The following FRYL variants were observed in gnomAD, a reference collection of about 807,000 sequenced individuals.
The protein encoded by FRYL is FRY like transcription coactivator.
Under a neutral mutation model 351.2 loss-of-function variants are expected in FRYL, and 150 were observed. The observed-to-expected ratio is 0.43, with a 90% CI of 0.37 to 0.49. The LOEUF (loss-of-function observed/expected upper bound fraction) is 0.49. FRYL is among the 20% of genes least tolerant of loss of function. FRYL has a pLI of 0.00. For missense variants in FRYL, 3,036 were observed against 3,619.3 expected (o/e 0.84, Z 4.13); for synonymous variants, 1,153 against 1,257.1 (o/e 0.92, Z 1.75).
intron 9 of FRYL, 57 bp from the exon 10 acceptor site, chr4:48,606,663 G>A (rs1450711853): frequency 7.2e-7 from 1 of 1,394,028 alleles, no homozygotes; most frequent in African/African-American, 1.4e-5. Flanking sequence ...ATTTCCACAT[G>A]ATATTTAAGG....
At chr4:48,535,493 A>G (rs550634878) in intron 48 of FRYL, among the ~76,000 whole-genome samples, 164 bp downstream of exon 48, 1 of 152,190 alleles carries the variant, frequency 6.6e-6, no homozygotes, top group Non-Finnish European at 1.5e-5. Flanking sequence ...CAATTTGAAT[A>G]TCAGTTAATA....
At chr4:48,539,310 T>A (rs1207574911) in intron 47 of FRYL, among the ~76,000 whole-genome samples, 3 of 152,108 alleles carry the variant, frequency 2.0e-5, no homozygotes, top group Non-Finnish European at 4.4e-5. Context: ...AATCCTAAAA[T>A]ATATTATGCC....
chr4:48,581,236 A>G (rs575731641), intron 21 of FRYL, among the ~76,000 whole-genome samples, 184 bp downstream of exon 21: 4 of 151,200 alleles, frequency 2.6e-5, no homozygotes, highest in African/African-American at 7.3e-5. Context: ...AGTAGAGACC[A>G]CCGTGTTAGC....
intron 54 of FRYL, 146 bp from the exon 55 acceptor site, chr4:48,521,361 C>T: frequency 3.3e-6 from 2 of 611,762 alleles, no homozygotes; most frequent in South Asian, 2.5e-5. Flanking sequence ...CCAGTCTACA[C>T]CAGAATGGGT....
At chr4:48,707,724 T>G (rs1403421686) in intron 2 of FRYL, among the ~76,000 whole-genome samples, 13 of 152,154 alleles carry the variant, frequency 8.5e-5, no homozygotes, top group Admixed American at 8.5e-4. Context: ...TAAGAGAACT[T>G]TGAGGCTCCA....
intron 19 of FRYL, among the ~76,000 whole-genome samples, chr4:48,584,681 G>A (rs1476586577): frequency 4.6e-5 from 7 of 152,212 alleles, no homozygotes; most frequent in Non-Finnish European, 7.3e-5. Flanking sequence ...GGGTATACAT[G>A]TGTGAGTTAA....
intron 3 of FRYL, among the ~76,000 whole-genome samples, chr4:48,657,251 G>A (rs1245876796): frequency 6.6e-6 from 1 of 151,912 alleles, no homozygotes; most frequent in African/African-American, 2.4e-5. Context: ...GTTCACTGCA[G>A]CCTCAAACTC....
At chr4:48,687,509 A>AGGGGGGGGGGGGGGGGGGGGGGG (rs1560861203) in intron 2 of FRYL, among the ~76,000 whole-genome samples, 2 of 9,822 alleles carry the variant, frequency 2.0e-4, no homozygotes, top group Non-Finnish European at 4.1e-4. Context: ...GGGGGGGGTG[A>AGGGGGGGGGGGGGGGGGGGGGGG]GGGGGGAGGG....
At chr4:48,654,874 A>T (rs1470001727) in intron 3 of FRYL, among the ~76,000 whole-genome samples, 1 of 152,224 alleles carries the variant, frequency 6.6e-6, no homozygotes, top group Non-Finnish European at 1.5e-5. Context: ...TGTCATTATC[A>T]GAAGAAAAAT....
intron 35 of FRYL, 110 bp downstream of exon 35, chr4:48,556,868 C>CCCTTG: frequency 2.2e-6 from 2 of 899,490 alleles, no homozygotes; most frequent in Non-Finnish European, 3.3e-6. Context: ...TTCATCCCGG[C>CCCTTG]CCTTGCCTTG....
intron 4 of FRYL, among the ~76,000 whole-genome samples, chr4:48,634,066 A>G (rs2149370480): frequency 6.6e-6 from 1 of 152,138 alleles, no homozygotes; most frequent in Non-Finnish European, 1.5e-5. Flanking sequence ...TTTATTTCCT[A>G]TGTTTTATTT....
At chr4:48,755,001 T>G (rs1430210407) in intron 1 of FRYL, among the ~76,000 whole-genome samples, 1 of 152,222 alleles carries the variant, frequency 6.6e-6, no homozygotes, top group Non-Finnish European at 1.5e-5. Context: ...TGTAGCATTG[T>G]GTACAGAACT....
At chr4:48,701,061 C>T (rs563353310) in intron 2 of FRYL, among the ~76,000 whole-genome samples, 3 of 152,190 alleles carry the variant, frequency 2.0e-5, no homozygotes, top group African/African-American at 7.2e-5. Flanking sequence ...AAATAGTTTT[C>T]ATTAGTTAAT....
chr4:48,548,044 T>A (rs1731764128), intron 40 of FRYL, among the ~76,000 whole-genome samples: 1 of 152,086 alleles, frequency 6.6e-6, no homozygotes, highest in Non-Finnish European at 1.5e-5. Flanking sequence ...ATAAAAAAAT[T>A]CATGGAAATG....
chr4:48,657,353 C>CA (rs1553965189), intron 3 of FRYL, among the ~76,000 whole-genome samples: 3 of 122,382 alleles, frequency 2.5e-5, no homozygotes, highest in African/African-American at 9.2e-5. Context: ...CTTTTCTTTT[C>CA]TTTTTTTTTT....
intron 60 of FRYL, among the ~76,000 whole-genome samples, chr4:48,503,259 C>A (rs1191373179): frequency 6.6e-6 from 1 of 151,996 alleles, no homozygotes. Context: ...ACTGTTACTT[C>A]TCAGAAAAGA....
intron 1 of FRYL, among the ~76,000 whole-genome samples, chr4:48,714,297 C>T (rs1005761192): frequency 3.4e-5 from 5 of 147,020 alleles, no homozygotes; most frequent in African/African-American, 1.2e-4. Context: ...GAAATAGAGA[C>T]ACAAAAAACC....
intron 16 of FRYL, among the ~76,000 whole-genome samples, chr4:48,592,116 T>TATATATATATATATATATATATATA (rs1553942046): frequency 1.2e-5 from 1 of 84,332 alleles, no homozygotes; most frequent in Non-Finnish European, 2.3e-5. Flanking sequence ...ATATATATAT[T>TATATATATATATATATATATATATA]TTATCTAAGT....
intron 4 of FRYL, among the ~76,000 whole-genome samples, chr4:48,626,339 C>T (rs1177948654): frequency 6.6e-6 from 1 of 151,982 alleles, no homozygotes; most frequent in East Asian, 1.9e-4. Flanking sequence ...ACTATTCGCT[C>T]TGTAACAAAA....
Sources: gnomAD v4.1 joint callset for allele counts (sites outside exome capture counted in the v4.1 genomes callset) on GRCh38, gnomAD v4.1.1 for gene constraint, MANE v1.5 for transcripts, NCBI Gene and HGNC (gene_info 2026-07-23, HGNC 2026-07-21) for gene names.